The following EEFSEC variants were observed in gnomAD, a reference collection of about 807,000 sequenced individuals.
EEFSEC encodes the protein eukaryotic elongation factor, selenocysteine-tRNA specific.
EEFSEC carries 43 observed loss-of-function variants against 42.1 expected under a neutral mutation model. The observed-to-expected ratio is 1.02, with a 90% CI of 0.80 to 1.32. EEFSEC has a LOEUF of 1.32. EEFSEC is among the 40% of genes most tolerant of loss of function. The probability of loss-of-function intolerance (pLI) is 0.00; values close to 1 mark genes in which losing one functional copy is unlikely to be tolerated. For missense variants in EEFSEC, 745 were observed against 803.6 expected, an observed-to-expected ratio of 0.93 and a Z score of 0.88; for synonymous variants, 354 against 339.1, an observed-to-expected ratio of 1.04 and a Z score of -0.48.
At chr3:128,265,785 G>A (rs1286330712) in intron 4 of EEFSEC, among the ~76,000 whole-genome samples, 1 of 152,080 alleles carries the variant, frequency 6.6e-6, no homozygotes, top group Non-Finnish European at 1.5e-5. Flanking sequence ...AAGGTTCTCC[G>A]GAGAAACAGA....
At chr3:128,422,258 C>T in the EEFSEC span, among the ~76,000 whole-genome samples, 3 of 152,214 alleles carry the variant, frequency 2.0e-5, no homozygotes, top group Admixed American at 6.5e-5. Context: ...GAAAGCTGGG[C>T]GCAGGCCTTG....
intron 1 of EEFSEC, among the ~76,000 whole-genome samples, chr3:128,237,177 T>C (rs1457935312): frequency 6.6e-6 from 1 of 152,246 alleles, no homozygotes; most frequent in Non-Finnish European, 1.5e-5. Context: ...TAGTATGCAT[T>C]TTAAGCTTCT....
intron 6 of EEFSEC, among the ~76,000 whole-genome samples, chr3:128,399,143 T>G (rs1420912026): frequency 6.6e-6 from 1 of 152,122 alleles, no homozygotes; most frequent in African/African-American, 2.4e-5. Context: ...AATGCACTGG[T>G]GTTCCCTCCC....
chr3:128,277,353 A>T (rs988913347), intron 4 of EEFSEC, among the ~76,000 whole-genome samples: 4 of 152,254 alleles, frequency 2.6e-5, no homozygotes, highest in African/African-American at 4.8e-5. Context: ...TGCCTTATTT[A>T]AAAAAGGCAC....
intron 6 of EEFSEC, among the ~76,000 whole-genome samples, chr3:128,368,207 G>A (rs554479574): frequency 2.0e-5 from 3 of 152,326 alleles, no homozygotes; most frequent in East Asian, 1.9e-4. Flanking sequence ...TGAGGCAAGC[G>A]GATCACCTGA....
At chr3:128,360,575 C>T (rs2067512611) in intron 6 of EEFSEC, among the ~76,000 whole-genome samples, 1 of 152,160 alleles carries the variant, frequency 6.6e-6, no homozygotes. Context: ...AAACTCAGAG[C>T]TGGGGTATTC....
At chr3:128,177,619 C>T (rs866956932) in intron 1 of EEFSEC, among the ~76,000 whole-genome samples, 13 of 152,234 alleles carry the variant, frequency 8.5e-5, no homozygotes, top group East Asian at 7.7e-4. Context: ...TGAGCCAAAA[C>T]GCACCTCTGT....
intron 6 of EEFSEC, among the ~76,000 whole-genome samples, chr3:128,368,482 C>A (rs149051533): frequency 2.6e-5 from 4 of 151,612 alleles, no homozygotes; most frequent in African/African-American, 9.7e-5. Context: ...CAGTCCACAA[C>A]ACACACAAGA....
At chr3:128,244,280 G>A (rs770350832) in intron 1 of EEFSEC, among the ~76,000 whole-genome samples, 2 of 152,242 alleles carry the variant, frequency 1.3e-5, no homozygotes, top group South Asian at 2.1e-4. Context: ...ACAGTTGGGT[G>A]TATCTTCTGG....
chr3:128,351,817 A>G (rs1023676062), intron 5 of EEFSEC, among the ~76,000 whole-genome samples: 1 of 152,218 alleles, frequency 6.6e-6, no homozygotes, highest in Non-Finnish European at 1.5e-5. Context: ...CCCTCCAGTG[A>G]CTGAAGGCTA....
intron 1 of EEFSEC, among the ~76,000 whole-genome samples, chr3:128,226,524 G>A (rs1001864076): frequency 6.6e-6 from 1 of 152,174 alleles, no homozygotes; most frequent in Non-Finnish European, 1.5e-5. Context: ...CTGGCAGCTG[G>A]GGCTTCCGTA....
chr3:128,348,853 T>C (rs1449188450), intron 5 of EEFSEC, among the ~76,000 whole-genome samples: 2 of 152,170 alleles, frequency 1.3e-5, no homozygotes, highest in East Asian at 3.8e-4. Context: ...GCTCCTCCTT[T>C]AGTGATCCAA....
At chr3:128,306,496 C>T (rs2066828804) in intron 4 of EEFSEC, among the ~76,000 whole-genome samples, 1 of 152,178 alleles carries the variant, frequency 6.6e-6, no homozygotes, top group Non-Finnish European at 1.5e-5. Context: ...TTTGGCAATC[C>T]AGTTTTCTAT....
intron 6 of EEFSEC, among the ~76,000 whole-genome samples, chr3:128,361,081 G>A (rs1405269814): frequency 6.6e-6 from 1 of 152,214 alleles, no homozygotes; most frequent in Non-Finnish European, 1.5e-5. Flanking sequence ...GCCATGAGAG[G>A]TAAGGCTCCC....
At chr3:128,396,157 A>G (rs565838752) in intron 6 of EEFSEC, among the ~76,000 whole-genome samples, 1 of 152,102 alleles carries the variant, frequency 6.6e-6, no homozygotes, top group Non-Finnish European at 1.5e-5. Flanking sequence ...GCACATGTGT[A>G]TCTGTGTGTG....
chr3:128,416,904 G>A, the EEFSEC span, among the ~76,000 whole-genome samples: 2 of 152,276 alleles, frequency 1.3e-5, no homozygotes. Context: ...GTCATGGGAG[G>A]CCACACATTC....
intron 1 of EEFSEC, among the ~76,000 whole-genome samples, chr3:128,186,122 T>C (rs989529736): frequency 6.6e-6 from 1 of 152,230 alleles, no homozygotes; most frequent in African/African-American, 2.4e-5. Context: ...TGTCTGATCA[T>C]ATCCATCCTA....
the EEFSEC span, among the ~76,000 whole-genome samples, chr3:128,420,150 G>A: frequency 2.6e-5 from 4 of 151,892 alleles, no homozygotes; most frequent in Non-Finnish European, 5.9e-5. Context: ...AACAGACAGA[G>A]AGTCAGAGAG....
chr3:128,156,310 C>T (rs1017694851), intron 1 of EEFSEC, among the ~76,000 whole-genome samples: 4 of 152,140 alleles, frequency 2.6e-5, no homozygotes, highest in African/African-American at 4.8e-5. Flanking sequence ...TGGTGGTTAC[C>T]ATTTAATAGT....
Sources: allele counts gnomAD v4.1 joint callset (sites outside exome capture counted in the v4.1 genomes callset), GRCh38; gene constraint gnomAD v4.1.1; transcripts MANE v1.5; gene names NCBI Gene and HGNC (gene_info 2026-07-23, HGNC 2026-07-21).